NDUFAB1: variants seen among roughly 807,000 people sequenced by gnomAD.
NDUFAB1 encodes the protein NADH:ubiquinone oxidoreductase subunit AB1.
NDUFAB1 carries 5 observed loss-of-function variants against 16.1 expected under a neutral mutation model. The observed-to-expected ratio is 0.31, with a 90% CI of 0.16 to 0.65. The LOEUF is 0.65. Ranked by LOEUF, NDUFAB1 falls within the 30% of genes least tolerant of loss-of-function variation. The pLI, the probability that NDUFAB1 is intolerant of heterozygous loss-of-function variation, is 0.77. For synonymous variants in NDUFAB1, 85 were observed against 78.4 expected (o/e 1.08, Z -0.44); for missense variants, 187 against 205.3 (o/e 0.91, Z 0.54).
intron 1 of NDUFAB1, among the ~76,000 whole-genome samples, chr16:23,589,360 T>A (rs545228374): frequency 6.6e-6 from 1 of 151,870 alleles, no homozygotes; most frequent in Non-Finnish European, 1.5e-5. Flanking sequence ...GAGAGTATGA[T>A]AGATATTCTA....
chr16:23,595,762 G>A, intron 1 of NDUFAB1: 1 of 465,108 alleles, frequency 2.2e-6, no homozygotes, highest in South Asian at 1.8e-5. Flanking sequence ...TTTTGAGACC[G>A]TACGAGGTGC....
At chr16:23,587,442 C>T in intron 1 of NDUFAB1, 123 bp from the exon 2 acceptor site, 1 of 1,221,864 alleles carries the variant, frequency 8.2e-7, no homozygotes, top group Non-Finnish European at 1.1e-6. Flanking sequence ...GCATCTGATT[C>T]TCATTGTGGC....
intron 2 of NDUFAB1, among the ~76,000 whole-genome samples, chr16:23,586,989 T>C (rs1305555995): frequency 1.3e-5 from 2 of 152,192 alleles, no homozygotes; most frequent in Non-Finnish European, 2.9e-5. Flanking sequence ...ATACATATAA[T>C]ATACACACGT....
At chr16:23,593,213 C>T (rs979343768) in intron 1 of NDUFAB1, among the ~76,000 whole-genome samples, 14 of 152,288 alleles carry the variant, frequency 9.2e-5, no homozygotes, top group Admixed American at 3.9e-4. Context: ...GCAGGAGGAC[C>T]ATTTGAGTCC....
chr16:23,585,275 C>A, intron 3 of NDUFAB1, 61 bp downstream of exon 3: 1 of 1,249,362 alleles, frequency 8.0e-7, no homozygotes, highest in East Asian at 2.3e-5. Flanking sequence ...CCCACCACTT[C>A]TTTCAGTTTA....
chr16:23,582,246 G>A (rs973139728), intron 4 of NDUFAB1, 30 bp downstream of exon 4: 1 of 1,429,386 alleles, frequency 7.0e-7, no homozygotes. Flanking sequence ...ACAAATCTAT[G>A]GGTGAACATC....
chr16:23,590,115 C>T (rs1966266820), intron 1 of NDUFAB1, among the ~76,000 whole-genome samples: 1 of 152,134 alleles, frequency 6.6e-6, no homozygotes, highest in Admixed American at 6.6e-5. Context: ...TATGTTCGTA[C>T]ACAACTACCC....
At chr16:23,585,176 C>T (rs1263800142) in intron 3 of NDUFAB1, among the ~76,000 whole-genome samples, 160 bp downstream of exon 3, 1 of 152,194 alleles carries the variant, frequency 6.6e-6, no homozygotes, top group East Asian at 1.9e-4. Flanking sequence ...GCTTACTTCA[C>T]CTGATGGTAA....
At chr16:23,583,981 CAT>C (rs1379516903) in intron 3 of NDUFAB1, among the ~76,000 whole-genome samples, 1 of 151,866 alleles carries the variant, frequency 6.6e-6, no homozygotes, top group African/African-American at 2.4e-5. Context: ...CTCTCTGAAA[CAT>C]GTGCTGTGTC....
chr16:23,594,574 G>T (rs370529321), intron 1 of NDUFAB1, among the ~76,000 whole-genome samples: 1 of 149,598 alleles, frequency 6.7e-6, no homozygotes, highest in Non-Finnish European at 1.5e-5. Context: ...GAATGGTCTC[G>T]ATCGCCTGAC....
chr16:23,582,489 T>G (rs555650877), intron 3 of NDUFAB1, 114 bp from the exon 4 acceptor site: 1 of 1,333,932 alleles, frequency 7.5e-7, no homozygotes, highest in East Asian at 2.8e-5. Context: ...TTCAGCAACC[T>G]TGAATCCCAT....
intron 1 of NDUFAB1, among the ~76,000 whole-genome samples, chr16:23,593,132 A>G (rs960698953): frequency 2.1e-4 from 32 of 152,292 alleles, no homozygotes; most frequent in Non-Finnish European, 4.0e-4. Context: ...CCGTCTCTAA[A>G]AAGAAGACAG....
At chr16:23,586,938 G>A (rs1278964017) in intron 2 of NDUFAB1, among the ~76,000 whole-genome samples, 1 of 152,164 alleles carries the variant, frequency 6.6e-6, no homozygotes, top group African/African-American at 2.4e-5. Flanking sequence ...ATGAGCCACA[G>A]TGCCCGGCCA....
intron 1 of NDUFAB1, among the ~76,000 whole-genome samples, chr16:23,591,595 A>ATAAGCCC (rs1555507783): frequency 6.6e-6 from 1 of 152,142 alleles, no homozygotes; most frequent in Non-Finnish European, 1.5e-5. Context: ...TATTCCTTCA[A>ATAAGCCC]TAAGCCCTGT....
At chr16:23,584,265 A>AAAAAAAAAAAAAAAAAAAAAG (rs1567407406) in intron 3 of NDUFAB1, among the ~76,000 whole-genome samples, 1 of 134,368 alleles carries the variant, frequency 7.4e-6, no homozygotes, top group East Asian at 2.2e-4. Context: ...TAAAAAAAAA[A>AAAAAAAAAAAAAAAAAAAAAG]AAAAAAAAAG....
intron 1 of NDUFAB1, among the ~76,000 whole-genome samples, chr16:23,588,794 A>G (rs958259034): frequency 7.9e-5 from 12 of 152,242 alleles, no homozygotes; most frequent in African/African-American, 2.9e-4. Flanking sequence ...CCTGGCCAAC[A>G]TGGTGAAGCC....
At chr16:23,591,547 G>A (rs1966279190) in intron 1 of NDUFAB1, among the ~76,000 whole-genome samples, 1 of 152,222 alleles carries the variant, frequency 6.6e-6, no homozygotes, top group Admixed American at 6.5e-5. Context: ...CAAAACTCCT[G>A]CTTACAGACC....
chr16:23,591,997 CAAT>C (rs1254890123), intron 1 of NDUFAB1, among the ~76,000 whole-genome samples: 3 of 152,176 alleles, frequency 2.0e-5, no homozygotes, highest in Admixed American at 2.0e-4. Flanking sequence ...TGGAAAAGAC[CAAT>C]CCACAGATCA....
chr16:23,595,535 C>T (rs1430582897), intron 1 of NDUFAB1: 1 of 454,248 alleles, frequency 2.2e-6, no homozygotes, highest in African/African-American at 2.0e-5. Context: ...GAAAAAAAAT[C>T]CGCATATAAG....
Sources: gnomAD v4.1 joint callset for allele counts (sites outside exome capture counted in the v4.1 genomes callset) on GRCh38, gnomAD v4.1.1 for gene constraint, MANE v1.5 for transcripts, NCBI Gene and HGNC (gene_info 2026-07-23, HGNC 2026-07-21) for gene names.